PHIP: variants seen among roughly 807,000 people sequenced by gnomAD.
The protein encoded by PHIP is PHIP subunit of CUL4-Ring ligase complex, also known as PH-interacting protein.
PHIP carries 54 observed loss-of-function variants against 236.8 expected under a neutral mutation model. The observed-to-expected ratio is 0.23, with a 90% CI of 0.18 to 0.29. PHIP has a LOEUF of 0.29. Ranked by LOEUF, PHIP falls within the 10% of genes least tolerant of loss-of-function variation. The pLI is 1.00. For synonymous variants in PHIP, 756 were observed against 718.9 expected (o/e 1.05, Z -0.83); for missense variants, 1,370 against 2,190.8 (o/e 0.63, Z 7.48).
chr6:79,026,147 A>G lies in PHIP; in HGVS notation c.618T>C (p.Leu206=). The part of the protein sequence containing the change: ...RRIFTGSDDC[L]VKIWATDDGR... ...CATCATCTGTTGCCCATATTTTCAC[A>G]AGACAGTCATCAGAACCCTTAAAGT... is the stretch of plus-strand genomic sequence containing the variant. The change falls in exon 8 of 40, where the codon CTT becomes CTC. Residue 206 remains leucine, a synonymous_variant. Coordinates refer to ENST00000275034, the MANE Select transcript of PHIP (RefSeq NM_017934.7). 6.2e-6 allele frequency: 10 copies of G among 1,613,146 alleles called. No individual in the cohort carries two copies. Among genetic ancestry groups the G allele is most frequent in the Non-Finnish European group, 8.5e-6 (10 of 1,179,122 alleles).
At chr6:78,970,282 G>C (rs899393342) in intron 25 of PHIP, 109 bp from the exon 26 acceptor site, 17 of 839,538 alleles carry the variant, frequency 2.0e-5, no homozygotes, top group Non-Finnish European at 3.0e-5. Context: ...GATCTGGATG[G>C]TGATGACTGT....
intron 35 of PHIP, among the ~76,000 whole-genome samples, chr6:78,951,111 G>A (rs1402148206): frequency 1.3e-5 from 2 of 152,046 alleles, no homozygotes; most frequent in Non-Finnish European, 2.9e-5. Context: ...ATTATTTAGA[G>A]GTGGGCTCTT....
rs80181972 is a variant in PHIP at position 79,065,331 on chromosome 6, G to C, written c.190-4513C>G. Among the ~76,000 whole-genome samples, 17 of 152,100 alleles carry C rather than the reference G, an allele frequency of 1.1e-4. No homozygotes were observed. In the East Asian group the frequency reaches 3.3e-3, roughly 29 times the overall value. On this transcript the variant is annotated intron_variant, in intron 4 of 39. Coordinates refer to ENST00000275034, the MANE Select transcript of PHIP (RefSeq NM_017934.7). ...GATAAAGATCCAAATCCTTAACTTG[G>C]TCTATCAGCCCAGAAATGCATGTAT...
intron 26 of PHIP, 44 bp from the exon 27 acceptor site, chr6:78,969,961 A>T (rs1767416086): frequency 6.4e-7 from 1 of 1,573,090 alleles, no homozygotes; most frequent in South Asian, 1.1e-5. Context: ...CATACCTAAA[A>T]ATACCTAAAA....
chr6:78,946,643 A>G, intron 37 of PHIP, 68 bp downstream of exon 37: 1 of 1,473,460 alleles, frequency 6.8e-7, no homozygotes, highest in Non-Finnish European at 8.9e-7. Context: ...AGTATTAAAA[A>G]ACACCAAGTT....
intron 32 of PHIP, chr6:78,957,259 TTC>T (rs1030043507): frequency 5.3e-5 from 8 of 152,032 alleles, no homozygotes; most frequent in African/African-American, 1.7e-4. Flanking sequence ...GTTCTACTGA[TTC>T]TCTTTGAAAA....
intron 7 of PHIP, among the ~76,000 whole-genome samples, chr6:79,032,744 C>T (rs1771735473): frequency 6.6e-6 from 1 of 151,498 alleles, no homozygotes; most frequent in Admixed American, 6.6e-5. Flanking sequence ...TTCTGACCTC[C>T]TCCCAAGAAT....
intron 24 of PHIP, among the ~76,000 whole-genome samples, chr6:78,973,482 T>C (rs1459946855): frequency 2.5e-5 from 2 of 80,058 alleles, no homozygotes; most frequent in Middle Eastern, 4.9e-3. Context: ...ATGAGCAAAA[T>C]AACCAGCTAA....
Position 78,946,820 on chromosome 6 carries a change from C to T in PHIP, c.4261G>A (p.Val1421Ile). Residue 1421 changes from valine (V) to isoleucine (I), a missense_variant, in exon 37 of 40, where the codon GTT (valine) becomes ATT (isoleucine). By Grantham distance (29) the Val-to-Ile change is conservative. This residue lies in a region of PHIP where 125 missense variants were observed against 235.1 expected (regional missense o/e 0.53). Coordinates refer to ENST00000275034, the MANE Select transcript of PHIP (RefSeq NM_017934.7). The stretch of plus-strand genomic sequence containing the variant: ...AGAGCAGATTTATAATCTGATAAAA[C>T]TGAACTAATGTGTTCTTCAAAGAAA... ...SAFFEEHISS[V>I]LSDYKSALRF... 6.3e-7 allele frequency: 1 copy of T among 1,591,224 alleles called. No individual in the cohort carries two copies. The highest frequency in any genetic ancestry group is 8.5e-7 in the Non-Finnish European group (1 of 1,169,694).
chr6:78,985,298 C>A (rs1195863062), intron 22 of PHIP, 54 bp downstream of exon 22: 27 of 929,880 alleles, frequency 2.9e-5, no homozygotes, highest in Admixed American at 8.5e-5. Flanking sequence ...AAAAAAAAAA[C>A]ACCTTTCTAA....
At chr6:79,062,830 T>C (rs1362752906) in intron 4 of PHIP, among the ~76,000 whole-genome samples, 1 of 152,196 alleles carries the variant, frequency 6.6e-6, no homozygotes, top group Non-Finnish European at 1.5e-5. Flanking sequence ...CTGGCAATCT[T>C]GTCTTACCTG....
chr6:78,943,441 A>G (rs1043333829), intron 39 of PHIP, among the ~76,000 whole-genome samples: 4 of 152,216 alleles, frequency 2.6e-5, no homozygotes, highest in African/African-American at 9.6e-5. Context: ...AATAAAAAGA[A>G]GCAAGGCCAA....
At chr6:79,021,992 T>C (rs1307016622) in intron 9 of PHIP, among the ~76,000 whole-genome samples, 6 of 152,144 alleles carry the variant, frequency 3.9e-5, no homozygotes, top group African/African-American at 1.4e-4. Flanking sequence ...CCCATAAATA[T>C]ATACACCTAC....
chr6:79,077,613 G>A (rs1448729125), intron 3 of PHIP, 87 bp downstream of exon 3: 3 of 832,750 alleles, frequency 3.6e-6, no homozygotes, highest in Middle Eastern at 6.0e-4. Flanking sequence ...CCCGCGCCCC[G>A]CGCCCTGCCG....
chr6:78,952,358 G>T (rs1330300947), intron 35 of PHIP, among the ~76,000 whole-genome samples: 2 of 147,672 alleles, frequency 1.4e-5, no homozygotes, highest in Non-Finnish European at 3.0e-5. Flanking sequence ...GGCAGAGTTT[G>T]TAGTGAGCCG....
intron 7 of PHIP, among the ~76,000 whole-genome samples, chr6:79,034,268 G>A (rs1273116675): frequency 1.3e-5 from 2 of 152,150 alleles, no homozygotes; most frequent in Non-Finnish European, 2.9e-5. Context: ...AACAGGGTAC[G>A]TCTGTATTAG....
intron 15 of PHIP, among the ~76,000 whole-genome samples, chr6:79,006,945 A>G (rs1207444749): frequency 1.3e-5 from 2 of 152,060 alleles, no homozygotes; most frequent in African/African-American, 2.4e-5. Flanking sequence ...GAGTAAAAAG[A>G]AAATAAAAGT....
chr6:78,972,166 C>A (rs553757570), intron 24 of PHIP, among the ~76,000 whole-genome samples: 1 of 151,920 alleles, frequency 6.6e-6, no homozygotes. Context: ...TCTCCCAGTA[C>A]GCAGCTGGAG....
intron 20 of PHIP, among the ~76,000 whole-genome samples, chr6:78,988,854 G>A (rs983796618): frequency 6.6e-6 from 1 of 151,894 alleles, no homozygotes; most frequent in African/African-American, 2.4e-5. Context: ...AAAGGATAAT[G>A]GGCTATGAGG....
Sources: allele counts gnomAD v4.1 joint callset (sites outside exome capture counted in the v4.1 genomes callset), GRCh38; gene constraint gnomAD v4.1.1; regional missense constraint gnomAD v4.1.1; transcripts MANE v1.5; gene names NCBI Gene and HGNC (gene_info 2026-07-23, HGNC 2026-07-21).